RARB: variants seen among roughly 807,000 people sequenced by gnomAD.
RARB encodes HBV-activated protein.
RARB carries 17 observed loss-of-function variants against 51.9 expected under a neutral mutation model. The observed-to-expected ratio is 0.33, with a 90% CI of 0.22 to 0.49. RARB has a LOEUF of 0.49. RARB is among the 20% of genes least tolerant of loss of function. RARB has a pLI of 0.99. For synonymous variants in RARB, 215 were observed against 195.4 expected (o/e 1.10, Z -0.84); for missense variants, 369 against 550.8 (o/e 0.67, Z 3.30).
intron 1 of RARB, among the ~76,000 whole-genome samples, chr3:25,456,706 GA>G (rs2125549412): frequency 6.7e-6 from 1 of 148,214 alleles, no homozygotes; most frequent in Admixed American, 6.7e-5. Context: ...GAGAGAGAGA[GA>G]GAGAGAGAGA....
At chr3:25,478,147 C>T (rs1991784) in intron 2 of RARB, among the ~76,000 whole-genome samples, 12,385 of 152,168 alleles carry the variant, frequency 0.081, 678 homozygotes, top group East Asian at 0.3. Context: ...GCCTTTTATT[C>T]CCTAGCCTTG....
intron 2 of RARB, among the ~76,000 whole-genome samples, chr3:24,936,651 A>T (rs1485696577): frequency 6.6e-6 from 1 of 152,234 alleles, no homozygotes; most frequent in Admixed American, 6.5e-5. Context: ...GCATAATCAA[A>T]AGTTAACTGT....
rs565533627 is a variant in RARB at position 25,361,094 on chromosome 3, C to T, written c.179-100099C>T. The stretch of plus-strand genomic sequence containing the variant: ...GTGTTTTCCAATTTGATTTCATTCT[C>T]CCTGTCACTTCCAGGTACACCAATC... On this transcript the variant is annotated intron_variant, in intron 5 of 11. Transcript: ENST00000383772. Among the ~76,000 whole-genome samples the T allele has an allele frequency of 5.3e-5, 8 of 152,308 alleles. No homozygotes were observed. In the South Asian group the frequency reaches 1.7e-3, roughly 32 times the overall value.
intron 4 of RARB, among the ~76,000 whole-genome samples, chr3:25,159,486 G>A (rs1363477746): frequency 6.7e-6 from 1 of 149,810 alleles, no homozygotes; most frequent in Non-Finnish European, 1.5e-5. Context: ...ACCCAAAAGT[G>A]TCTTGAGTAA....
chr3:25,436,740 G>A (rs1044639323), intron 1 of RARB, among the ~76,000 whole-genome samples: 3 of 152,092 alleles, frequency 2.0e-5, no homozygotes, highest in African/African-American at 7.2e-5. Context: ...TACCTCAAAG[G>A]CTTTCTAGAG....
intron 2 of RARB, among the ~76,000 whole-genome samples, chr3:24,862,314 TTA>T (rs1375274156): frequency 6.6e-6 from 1 of 152,184 alleles, no homozygotes; most frequent in East Asian, 1.9e-4. Flanking sequence ...AGGTAGCGAA[TTA>T]TATGATTTTT....
chr3:24,899,112 G>T (rs1160916383), intron 2 of RARB, among the ~76,000 whole-genome samples: 4 of 152,188 alleles, frequency 2.6e-5, no homozygotes, highest in Non-Finnish European at 5.9e-5. Flanking sequence ...ATTGGGACCA[G>T]TGACTTAATT....
intron 4 of RARB, among the ~76,000 whole-genome samples, chr3:25,146,848 C>T (rs754123811): frequency 2.4e-4 from 36 of 152,210 alleles, no homozygotes; most frequent in Non-Finnish European, 4.3e-4. Flanking sequence ...ATTCTTTTGG[C>T]GCTTTCAGCT....
chr3:25,375,207 C>A (rs1408615395), intron 5 of RARB, among the ~76,000 whole-genome samples: 3 of 152,178 alleles, frequency 2.0e-5, no homozygotes, highest in Non-Finnish European at 4.4e-5. Flanking sequence ...TAGCTTCAAA[C>A]AAGGCAATAA....
At chr3:24,963,951 T>A (rs1415135991) in intron 2 of RARB, among the ~76,000 whole-genome samples, 2 of 152,120 alleles carry the variant, frequency 1.3e-5, no homozygotes, top group East Asian at 3.9e-4. Context: ...AATCGCCTTG[T>A]ATATAATCTT....
At chr3:25,586,928 C>A (rs1701416436) in intron 5 of RARB, among the ~76,000 whole-genome samples, 1 of 152,228 alleles carries the variant, frequency 6.6e-6, no homozygotes, top group Non-Finnish European at 1.5e-5. Flanking sequence ...AGCTTACCCA[C>A]CTGTAGATGT....
intron 3 of RARB, among the ~76,000 whole-genome samples, chr3:25,118,889 A>T (rs573266559): frequency 6.6e-6 from 1 of 152,272 alleles, no homozygotes; most frequent in South Asian, 2.1e-4. Flanking sequence ...ATCTCAAAAA[A>T]ACTTTAAAGC....
At chr3:24,838,923 C>A (rs1702380301) in intron 1 of RARB, among the ~76,000 whole-genome samples, 1 of 103,796 alleles carries the variant, frequency 9.6e-6, no homozygotes, top group Non-Finnish European at 1.9e-5. Flanking sequence ...TGTAAAATCT[C>A]CAGGTTTTTT....
intron 5 of RARB, among the ~76,000 whole-genome samples, chr3:25,282,406 C>G (rs1016917733): frequency 6.6e-6 from 1 of 152,206 alleles, no homozygotes; most frequent in Non-Finnish European, 1.5e-5. Flanking sequence ...CTCTACTACC[C>G]TATTTAAAAT....
At chr3:25,442,328 G>A (rs942554189) in intron 1 of RARB, among the ~76,000 whole-genome samples, 1 of 151,966 alleles carries the variant, frequency 6.6e-6, no homozygotes, top group South Asian at 2.1e-4. Context: ...TAGAGACGGG[G>A]TTTCATCATA....
In RARB at chr3:25,597,026, A is replaced by G. The variant is rs1435938424; in HGVS notation, c.*410A>G. ...TTTGTCTTGCATACTCAAAATAACC[A>G]TGACACCAAGGTTATGAAATAGACT... On this transcript the variant is annotated 3_prime_UTR_variant, in exon 8 of 8. Transcript: ENST00000330688. The G allele has an allele frequency of 6.3e-6, 1 of 158,764 alleles. No individual in the cohort carries two copies. The highest frequency in any genetic ancestry group is 1.8e-4 in the East Asian group (1 of 5,520). The allele number at this position is 158,764 out of a possible 1,614,324, so 9.8% of individuals were successfully genotyped here.
In RARB at chr3:25,389,875, A is replaced by G. The variant is rs143647958; in HGVS notation, c.179-71318A>G. 2.0e-3 allele frequency among the ~76,000 whole-genome samples: 311 copies of G among 152,340 alleles called. 3 individuals are homozygous for G. The highest frequency in any genetic ancestry group is 7.3e-3 in the African/African-American group (302 of 41,568). ...CTGAAAATGTCTAAAAGAAAGGGTA[A>G]TAATATTTGAGTCTTGAACAAAAGT... On this transcript the variant is annotated intron_variant, in intron 5 of 11. Coordinates refer to the RARB transcript ENST00000383772.
At chr3:24,941,653 G>A (rs1355223561) in intron 2 of RARB, among the ~76,000 whole-genome samples, 1 of 152,156 alleles carries the variant, frequency 6.6e-6, no homozygotes. Flanking sequence ...ACAGGCATGA[G>A]CCACCGTGCC....
intron 1 of RARB, among the ~76,000 whole-genome samples, chr3:24,832,133 A>G (rs957560536): frequency 6.6e-6 from 1 of 152,226 alleles, no homozygotes; most frequent in Admixed American, 6.5e-5. Context: ...AAAAAATAAT[A>G]ACTGCTTTAA....
Sources: gnomAD v4.1 joint callset for allele counts (sites outside exome capture counted in the v4.1 genomes callset) on GRCh38, gnomAD v4.1.1 for gene constraint, MANE v1.5 for transcripts, NCBI Gene and HGNC (gene_info 2026-07-23, HGNC 2026-07-21) for gene names.